The following PREX1 variants were observed in gnomAD, a reference collection of about 807,000 sequenced individuals.
PREX1 encodes phosphatidylinositol-3,4,5-trisphosphate dependent Rac exchange factor 1.
Under a neutral mutation model 198.3 loss-of-function variants are expected in PREX1, and 41 were observed. The observed-to-expected ratio is 0.21, with a 90% CI of 0.16 to 0.27. The LOEUF is 0.27. Among genes scored for constraint, PREX1 ranks in the 10% least tolerant of loss-of-function variants. The pLI is 1.00. For synonymous variants in PREX1, 843 were observed against 887.2 expected (o/e 0.95, Z 0.89); for missense variants, 1,620 against 2,200.7 (o/e 0.74, Z 5.28).
At chr20:48,665,259 C>CTGG (rs541377891) in intron 15 of PREX1, among the ~76,000 whole-genome samples, 1 of 146,746 alleles carries the variant, frequency 6.8e-6, no homozygotes, top group South Asian at 2.2e-4. Flanking sequence ...AATTCTAATC[C>CTGG]CGCCCCAGAC....
intron 1 of PREX1, among the ~76,000 whole-genome samples, chr20:48,792,027 G>T (rs1260017029): frequency 2.0e-5 from 3 of 152,190 alleles, no homozygotes; most frequent in South Asian, 2.1e-4. Flanking sequence ...GGGCCTGCCT[G>T]TGGGGGCTCA....
At chr20:48,748,792 G>A (rs1288354256) in intron 1 of PREX1, among the ~76,000 whole-genome samples, 1 of 152,214 alleles carries the variant, frequency 6.6e-6, no homozygotes, top group East Asian at 1.9e-4. Context: ...GGAGGCCGCA[G>A]GCCCAGGACC....
intron 38 of PREX1, 105 bp downstream of exon 38, chr20:48,627,756 C>A: frequency 1.4e-6 from 2 of 1,394,738 alleles, no homozygotes; most frequent in South Asian, 2.5e-5. Context: ...AGAGAAGGCT[C>A]AGGTCTGGGG....
intron 3 of PREX1, among the ~76,000 whole-genome samples, chr20:48,741,418 G>A (rs1168635228): frequency 2.0e-5 from 3 of 151,914 alleles, no homozygotes; most frequent in Admixed American, 6.6e-5. Context: ...GGAGTGCAGC[G>A]GCATGATCTC....
At chr20:48,637,605 C>T in intron 31 of PREX1, 106 bp downstream of exon 31, 2 of 1,201,852 alleles carry the variant, frequency 1.7e-6, no homozygotes, top group Non-Finnish European at 2.3e-6. Context: ...GGGCTCCAGG[C>T]CAAAGCGTTG....
chr20:48,639,429 G>GT (rs2089391284), intron 30 of PREX1, among the ~76,000 whole-genome samples: 1 of 152,216 alleles, frequency 6.6e-6, no homozygotes, highest in Non-Finnish European at 1.5e-5. Flanking sequence ...ATAATAACAG[G>GT]AACTCACACA....
At chr20:48,695,853 C>T (rs1280015453) in intron 7 of PREX1, among the ~76,000 whole-genome samples, 4 of 152,224 alleles carry the variant, frequency 2.6e-5, no homozygotes, top group African/African-American at 9.6e-5. Flanking sequence ...GTCTCTGTTA[C>T]AAACTATTCA....
At chr20:48,782,942 G>T (rs1034733643) in intron 1 of PREX1, among the ~76,000 whole-genome samples, 3 of 152,140 alleles carry the variant, frequency 2.0e-5, no homozygotes, top group Admixed American at 1.3e-4. Context: ...ACTGTAGGAG[G>T]TGACGGGGCT....
chr20:48,647,075 C>T (rs1486492629), intron 25 of PREX1, among the ~76,000 whole-genome samples: 1 of 151,974 alleles, frequency 6.6e-6, no homozygotes, highest in Non-Finnish European at 1.5e-5. Context: ...GTAACAAATA[C>T]AAAAATTAGC....
the PREX1 span, among the ~76,000 whole-genome samples, chr20:48,848,248 C>CT: frequency 0.029 from 4,141 of 140,460 alleles, 82 homozygotes; most frequent in African/African-American, 0.064. Context: ...TACATTTTTT[C>CT]TTTTTTTTTT....
intron 16 of PREX1, 68 bp from the exon 17 acceptor site, chr20:48,658,296 C>G: frequency 6.6e-7 from 1 of 1,506,436 alleles, no homozygotes. Context: ...CCCACCGTGG[C>G]CCCCACAGGA....
intron 1 of PREX1, among the ~76,000 whole-genome samples, chr20:48,801,464 A>G (rs1272362644): frequency 6.6e-6 from 1 of 152,086 alleles, no homozygotes; most frequent in East Asian, 1.9e-4. Context: ...GCTTCCTAAA[A>G]CCATCCTGCG....
At chr20:48,759,563 A>G (rs1218623120) in intron 1 of PREX1, among the ~76,000 whole-genome samples, 3 of 151,330 alleles carry the variant, frequency 2.0e-5, no homozygotes, top group Non-Finnish European at 3.0e-5. Context: ...AAAAAAAAAA[A>G]AAAAAGAAAA....
chr20:48,761,773 G>A (rs538110401), intron 1 of PREX1, among the ~76,000 whole-genome samples: 40 of 152,144 alleles, frequency 2.6e-4, no homozygotes, highest in Non-Finnish European at 4.4e-4. Flanking sequence ...ACATGATGGG[G>A]CTACCTTATG....
intron 3 of PREX1, among the ~76,000 whole-genome samples, chr20:48,742,382 A>T (rs928204956): frequency 2.6e-5 from 4 of 152,178 alleles, no homozygotes; most frequent in African/African-American, 9.7e-5. Flanking sequence ...CTAGAAGGTG[A>T]GTTTTGTGAT....
chr20:48,811,263 C>T (rs2090433701), intron 1 of PREX1, among the ~76,000 whole-genome samples: 2 of 152,130 alleles, frequency 1.3e-5, no homozygotes, highest in African/African-American at 4.8e-5. Flanking sequence ...GATCCACCCA[C>T]CTCAGCCTCC....
intron 3 of PREX1, among the ~76,000 whole-genome samples, chr20:48,735,785 G>A (rs1601104241): frequency 6.6e-6 from 1 of 152,148 alleles, no homozygotes; most frequent in African/African-American, 2.4e-5. Flanking sequence ...CGCCGCTAGT[G>A]CAGTGGCAGA....
intron 36 of PREX1, among the ~76,000 whole-genome samples, chr20:48,630,051 T>A (rs4239655): frequency 0.085 from 12,916 of 152,190 alleles, 620 homozygotes; most frequent in South Asian, 0.15. Flanking sequence ...CGAGCTGTGC[T>A]GCGGGGACAT....
intron 32 of PREX1, among the ~76,000 whole-genome samples, chr20:48,635,095 C>A (rs893430427): frequency 1.4e-4 from 21 of 152,220 alleles, no homozygotes; most frequent in African/African-American, 4.8e-4. Flanking sequence ...TAAAAGTCCC[C>A]AATTCCTTCC....
Sources: gnomAD v4.1 joint callset for allele counts (sites outside exome capture counted in the v4.1 genomes callset) on GRCh38, gnomAD v4.1.1 for gene constraint, MANE v1.5 for transcripts, NCBI Gene and HGNC (gene_info 2026-07-23, HGNC 2026-07-21) for gene names.